Variants in MTAP observed in about 807,000 individuals in gnomAD.
MTAP encodes methylthioadenosine phosphorylase, also known as S-methyl-5'-thioadenosine phosphorylase.
In MTAP, 33 loss-of-function variants were observed where a neutral mutation model predicts 33.6. The observed-to-expected ratio is 0.98, with a 90% confidence interval of 0.74 to 1.31. The LOEUF (loss-of-function observed/expected upper bound fraction) is 1.31. Among genes scored for constraint, MTAP ranks in the 40% most tolerant of loss-of-function variants. The pLI is 0.00. For missense variants in MTAP, 367 were observed against 360.0 expected (o/e 1.02, Z -0.16); for synonymous variants, 148 against 125.7 (o/e 1.18, Z -1.19).
intron 3 of MTAP, 122 bp from the exon 4 acceptor site, chr9:21,817,913 G>C (rs1824525215): frequency 3.2e-6 from 3 of 932,512 alleles, no homozygotes; most frequent in Non-Finnish European, 4.6e-6. Context: ...TGGGTTCTAG[G>C]AGACCCCCTG....
At chr9:21,895,537 G>C (rs990219058) in intron 1 of MTAP, among the ~76,000 whole-genome samples, 1 of 152,186 alleles carries the variant, frequency 6.6e-6, no homozygotes, top group Admixed American at 6.5e-5. Context: ...GAAATGCCAG[G>C]GGTCGGGAAT....
chr9:21,837,602 A>T (rs532852538), intron 4 of MTAP, among the ~76,000 whole-genome samples: 11 of 152,214 alleles, frequency 7.2e-5, no homozygotes, highest in Non-Finnish European at 1.6e-4. Context: ...TAAGTGTCTT[A>T]CCTGGCCTTT....
intron 1 of MTAP, among the ~76,000 whole-genome samples, chr9:21,911,372 G>A (rs1016216551): frequency 6.6e-6 from 1 of 152,108 alleles, no homozygotes; most frequent in Non-Finnish European, 1.5e-5. Context: ...TGACCACATA[G>A]TTGGAAGTAA....
chr9:21,897,182 C>G (rs1042925176), intron 1 of MTAP, among the ~76,000 whole-genome samples: 8 of 152,106 alleles, frequency 5.3e-5, no homozygotes, highest in African/African-American at 1.4e-4. Flanking sequence ...ATTCAGCAGC[C>G]CTTCATGCTA....
intron 4 of MTAP, among the ~76,000 whole-genome samples, chr9:21,833,922 G>A (rs371169571): frequency 2.0e-5 from 3 of 152,250 alleles, no homozygotes; most frequent in African/African-American, 7.2e-5. Flanking sequence ...AAGTGCCAGT[G>A]TTCTTCCTTT....
At chr9:21,843,845 A>T (rs1050612634) in intron 5 of MTAP, among the ~76,000 whole-genome samples, 3 of 152,226 alleles carry the variant, frequency 2.0e-5, no homozygotes, top group Non-Finnish European at 4.4e-5. Context: ...GGAACTAGAA[A>T]AACAAGAACA....
chr9:21,901,478 C>T (rs1183374146), intron 1 of MTAP, among the ~76,000 whole-genome samples: 1 of 152,164 alleles, frequency 6.6e-6, no homozygotes, highest in African/African-American at 2.4e-5. Context: ...AAGAATCAGA[C>T]ATCAGGCACA....
At chr9:21,908,236 T>C (rs902068857) in intron 1 of MTAP, among the ~76,000 whole-genome samples, 1 of 152,152 alleles carries the variant, frequency 6.6e-6, no homozygotes, top group Non-Finnish European at 1.5e-5. Context: ...CATTTTGGGA[T>C]TGACTTTTTT....
chr9:21,830,467 A>T (rs190391302), intron 4 of MTAP, among the ~76,000 whole-genome samples: 9 of 152,194 alleles, frequency 5.9e-5, no homozygotes, highest in Non-Finnish European at 1.0e-4. Context: ...GCCACAAGTC[A>T]TTTGGCCACT....
rs576437051 is a variant in MTAP, at chr9:21,865,407, C to T, written c.*3393C>T. The T allele has an allele frequency of 1.2e-5, 12 of 968,482 alleles. No homozygotes were observed. The South Asian group carries it at 5.7e-4, about 46-fold the overall frequency. 60.0% of individuals were successfully genotyped at this position (968,482 alleles called of 1,614,324 possible). On this transcript the variant is annotated 3_prime_UTR_variant, in exon 8 of 8. Transcript: ENST00000644715. ...CCTTTATAAATTACCCAGTCATGGG[C>T]AGTCCTTTACAGCAGCATGAGAATG...
Position 21,863,878 on chromosome 9 carries a change from G to T in MTAP, c.*1864G>T. The T allele has an allele frequency of 1.0e-6, 1 of 985,794 alleles. No homozygotes were observed. The highest frequency in any genetic ancestry group is 1.2e-6 in the Non-Finnish European group (1 of 829,912). The allele number at this position is 985,794 out of a possible 1,614,324, so 61.1% of individuals were successfully genotyped here. ...CAGTATTAATATGACTCATTAGTGT[G>T]AGCCATTTGGGTCAAGTATGATTAT... On this transcript the variant is annotated 3_prime_UTR_variant, in exon 8 of 8. Transcript: ENST00000644715.
intron 5 of MTAP, among the ~76,000 whole-genome samples, chr9:21,852,789 A>G (rs1475257271): frequency 2.0e-5 from 3 of 151,866 alleles, no homozygotes; most frequent in Admixed American, 6.6e-5. Context: ...GTTTTGTACC[A>G]TGTACAAATA....
intron 7 of MTAP, chr9:21,860,736 T>G (rs1424979345): frequency 1.4e-5 from 2 of 147,274 alleles, no homozygotes; most frequent in Non-Finnish European, 2.9e-5. Context: ...CATAGAAGTT[T>G]GTTTGTTTAT....
At chr9:21,821,374 T>G (rs536428474) in intron 4 of MTAP, among the ~76,000 whole-genome samples, 1 of 152,322 alleles carries the variant, frequency 6.6e-6, no homozygotes, top group East Asian at 1.9e-4. Context: ...CTGCATCTAT[T>G]GAGATAATCA....
At position 21,854,811 on chromosome 9, in the gene MTAP, TG is replaced by T. The variant is rs1296464873; in HGVS notation, c.632del (p.Cys211PhefsTer27). ...GGTTCTTGCTAAGGAGGCTGGAATT[TG>T]TTACGCAAGTATCGCCATGGCGACA... is the stretch of plus-strand genomic sequence containing the variant. ...EVVLAKEAGI[C>X]YASIAMATDY... On this transcript the variant is annotated frameshift_variant, in exon 6 of 8. Coordinates refer to ENST00000644715, the MANE Select transcript of MTAP (RefSeq NM_002451.4). LOFTEE classifies it high-confidence loss of function. 6.2e-7 allele frequency: 1 copy of T among 1,614,162 alleles called. No homozygotes were observed. Among genetic ancestry groups the T allele is most frequent in the Non-Finnish European group, 8.5e-7 (1 of 1,179,998 alleles).
chr9:21,806,999 A>G (rs1335541851), intron 1 of MTAP, among the ~76,000 whole-genome samples: 3 of 152,124 alleles, frequency 2.0e-5, no homozygotes, highest in Non-Finnish European at 4.4e-5. Context: ...CCCCATTTCT[A>G]CAAAAAATAC....
intron 1 of MTAP, among the ~76,000 whole-genome samples, chr9:21,897,649 A>C (rs1401486533): frequency 6.6e-6 from 1 of 152,242 alleles, no homozygotes; most frequent in African/African-American, 2.4e-5. Flanking sequence ...AAAGAGAATA[A>C]AATAGCTGGG....
chr9:21,815,845 A>C (rs1042687403), intron 2 of MTAP, among the ~76,000 whole-genome samples: 43 of 152,308 alleles, frequency 2.8e-4, no homozygotes, highest in African/African-American at 9.1e-4. Flanking sequence ...CAAATCTTCT[A>C]ATTTGTGGCC....
downstream of MTAP, among the ~76,000 whole-genome samples, chr9:21,868,406 C>T (rs778410367): frequency 3.3e-5 from 5 of 152,200 alleles, no homozygotes; most frequent in Non-Finnish European, 7.3e-5. Context: ...ATATGTAATA[C>T]TTAAATGGGT....
Sources: gnomAD v4.1 joint callset for allele counts (sites outside exome capture counted in the v4.1 genomes callset) on GRCh38, gnomAD v4.1.1 for gene constraint, MANE v1.5 for transcripts, NCBI Gene and HGNC (gene_info 2026-07-23, HGNC 2026-07-21) for gene names.